ARHGAP6: variants seen among roughly 807,000 people sequenced by gnomAD.
ARHGAP6 encodes the protein rho GTPase-activating protein 6.
A neutral mutation model predicts 55.7 loss-of-function variants in ARHGAP6; 16 were observed. The ratio of observed to expected loss-of-function variants is 0.29; its 90% CI spans 0.19 to 0.44. ARHGAP6 has a LOEUF of 0.44. Ranked by LOEUF, ARHGAP6 falls within the 20% of genes least tolerant of loss-of-function variation. The probability of loss-of-function intolerance (pLI) is 1.00; values close to 1 mark genes in which losing one functional copy is unlikely to be tolerated. For missense variants in ARHGAP6, 698 were observed against 808.9 expected, an observed-to-expected ratio of 0.86 and a Z score of 1.66; for synonymous variants, 382 against 360.9, an observed-to-expected ratio of 1.06 and a Z score of -0.66.
intron 1 of ARHGAP6, among the ~76,000 whole-genome samples, chrX:11,647,143 G>GC (rs1174623764): frequency 1.8e-5 from 2 of 112,064 alleles, no homozygotes; most frequent in Non-Finnish European, 3.8e-5. Context: ...GAGGATGCTT[G>GC]CCAGTGGTAT....
chrX:11,175,747 G>A (rs971370374), intron 8 of ARHGAP6, among the ~76,000 whole-genome samples: 1 of 110,911 alleles, frequency 9.0e-6, no homozygotes, highest in African/African-American at 3.3e-5. Context: ...GGAAGAGGCC[G>A]GGGATGCTGC....
intron 1 of ARHGAP6, among the ~76,000 whole-genome samples, chrX:11,319,464 G>A (rs2048403027): frequency 8.9e-6 from 1 of 111,760 alleles, no homozygotes; most frequent in Non-Finnish European, 1.9e-5. Flanking sequence ...GGGTGATGCA[G>A]CTGCTGATGG....
chrX:11,220,543 G>A (rs1400455026), intron 2 of ARHGAP6, among the ~76,000 whole-genome samples: 2 of 110,562 alleles, frequency 1.8e-5, no homozygotes, highest in Non-Finnish European at 3.8e-5. Context: ...AGCTTCATAA[G>A]TGAAGGAGAA....
At chrX:11,215,001 G>A (rs781701661) in intron 2 of ARHGAP6, among the ~76,000 whole-genome samples, 9 of 113,468 alleles carry the variant, frequency 7.9e-5, no homozygotes, top group African/African-American at 1.6e-4. Flanking sequence ...GCCTGAATCA[G>A]GGCAAGGCCC....
At chrX:11,527,692 A>C (rs754537751) in intron 1 of ARHGAP6, among the ~76,000 whole-genome samples, 1 of 112,799 alleles carries the variant, frequency 8.9e-6, no homozygotes, top group Non-Finnish European at 1.9e-5. Context: ...ACATCTTTTT[A>C]TCAATGACAC....
intron 1 of ARHGAP6, among the ~76,000 whole-genome samples, chrX:11,402,947 C>T (rs1402500103): frequency 1.8e-5 from 2 of 112,041 alleles, no homozygotes; most frequent in African/African-American, 6.5e-5. Context: ...TTCACTTGAA[C>T]ACCTTGTACT....
intron 1 of ARHGAP6, among the ~76,000 whole-genome samples, chrX:11,329,659 C>G (rs891048448): frequency 1.8e-5 from 2 of 111,822 alleles, no homozygotes; most frequent in African/African-American, 6.5e-5. Context: ...AACACCTAAG[C>G]ATTATCATAC....
chrX:11,456,128 T>C (rs2050191673), intron 1 of ARHGAP6, among the ~76,000 whole-genome samples: 1 of 111,906 alleles, frequency 8.9e-6, no homozygotes, highest in African/African-American at 3.2e-5. Flanking sequence ...TGCAAAATAA[T>C]ATATAATATA....
chrX:11,574,162 A>C (rs2147111088), intron 1 of ARHGAP6, among the ~76,000 whole-genome samples: 1 of 111,468 alleles, frequency 9.0e-6, no homozygotes, highest in African/African-American at 3.3e-5. Flanking sequence ...AGGAACTGGT[A>C]CCATTCCTTC....
chrX:11,363,396 T>C (rs374616121), intron 1 of ARHGAP6, among the ~76,000 whole-genome samples: 1 of 112,442 alleles, frequency 8.9e-6, no homozygotes, highest in Non-Finnish European at 1.9e-5. Context: ...AGTAACTGGA[T>C]GCTATTTCAA....
chrX:11,208,141 G>A (rs1013570850), intron 2 of ARHGAP6, among the ~76,000 whole-genome samples: 2 of 111,330 alleles, frequency 1.8e-5, no homozygotes, highest in African/African-American at 6.5e-5. Flanking sequence ...GCGATATCAG[G>A]ATATCTAGAA....
chrX:11,526,075 A>G (rs146378607), intron 1 of ARHGAP6, among the ~76,000 whole-genome samples: 142 of 112,100 alleles, frequency 1.3e-3, no homozygotes, highest in African/African-American at 4.3e-3. Context: ...AGAGTGAGAT[A>G]AGAATTTGCA....
At chrX:11,363,066 G>C (rs1033243843) in intron 1 of ARHGAP6, among the ~76,000 whole-genome samples, 6 of 111,937 alleles carry the variant, frequency 5.4e-5, no homozygotes, top group African/African-American at 1.6e-4. Flanking sequence ...TTAAAGTTAA[G>C]GTAGAGGATT....
intron 1 of ARHGAP6, among the ~76,000 whole-genome samples, chrX:11,401,834 A>G (rs1478465773): frequency 1.8e-5 from 2 of 112,793 alleles, no homozygotes; most frequent in Non-Finnish European, 3.7e-5. Context: ...ATGATTGTAT[A>G]TATTTCCTGT....
intron 1 of ARHGAP6, among the ~76,000 whole-genome samples, chrX:11,528,614 C>T (rs1273057501): frequency 8.9e-6 from 1 of 111,759 alleles, no homozygotes; most frequent in Non-Finnish European, 1.9e-5. Context: ...TTGAAAAGAC[C>T]ACAATGGACA....
chrX:11,197,727 A>G (rs1264283626), intron 2 of ARHGAP6, among the ~76,000 whole-genome samples: 1 of 112,360 alleles, frequency 8.9e-6, no homozygotes, highest in Non-Finnish European at 1.9e-5. Context: ...TTTACAGTCT[A>G]GTATTTGCAA....
At chrX:11,515,993 A>G (rs1451320915) in intron 1 of ARHGAP6, among the ~76,000 whole-genome samples, 1 of 112,510 alleles carries the variant, frequency 8.9e-6, no homozygotes, top group Non-Finnish European at 1.9e-5. Context: ...TTCCTATTAA[A>G]GTTAATTGGC....
At chrX:11,603,441 G>A (rs1437620372) in intron 1 of ARHGAP6, among the ~76,000 whole-genome samples, 3 of 111,692 alleles carry the variant, frequency 2.7e-5, no homozygotes, top group Non-Finnish European at 3.8e-5. Context: ...ACCCTCAGTC[G>A]ATTGCTGCTT....
intron 1 of ARHGAP6, among the ~76,000 whole-genome samples, chrX:11,490,062 T>C (rs951461544): frequency 2.7e-5 from 3 of 111,122 alleles, no homozygotes. Context: ...GGCAGACATA[T>C]CCTAAGATGA....
Sources: gnomAD v4.1 joint callset for allele counts (sites outside exome capture counted in the v4.1 genomes callset) on GRCh38, gnomAD v4.1.1 for gene constraint, MANE v1.5 for transcripts, NCBI Gene and HGNC (gene_info 2026-07-23, HGNC 2026-07-21) for gene names.